Variants in DLGAP1 observed in about 807,000 individuals in gnomAD.
DLGAP1 encodes DLG associated protein 1, also known as disks large-associated protein 1.
Under a neutral mutation model 90.8 loss-of-function variants are expected in DLGAP1, and 11 were observed. That is an observed-to-expected ratio of 0.12 (90% CI 0.08 to 0.20). The LOEUF is 0.20. Ranked by LOEUF, DLGAP1 falls within the 10% of genes least tolerant of loss-of-function variation. The pLI is 1.00. For missense variants in DLGAP1, 1,050 were observed against 1,333.8 expected, an observed-to-expected ratio of 0.79 and a Z score of 3.31; for synonymous variants, 558 against 540.7, an observed-to-expected ratio of 1.03 and a Z score of -0.44.
At position 4,421,642 on chromosome 18, in the gene DLGAP1, A is replaced by G. The variant is rs551809840; in HGVS notation, c.-267+33364T>C. 4.6e-5 allele frequency among the ~76,000 whole-genome samples: 7 copies of G among 152,312 alleles called. No individual in the cohort carries two copies. The South Asian group carries it at 1.5e-3, about 32-fold the overall frequency. On this transcript the variant is annotated intron_variant, in intron 1 of 12. Coordinates refer to ENST00000315677, the MANE Select transcript of DLGAP1 (RefSeq NM_004746.4). The stretch of plus-strand genomic sequence containing the variant: ...TTAAATTAGCATGATGTCTTCAGAG[A>G]ACATTTGGCAAAGTCAAGCAAAAGT...
intron 7 of DLGAP1, among the ~76,000 whole-genome samples, chr18:3,694,711 G>A (rs1242925747): frequency 6.6e-6 from 1 of 152,106 alleles, no homozygotes; most frequent in Non-Finnish European, 1.5e-5. Flanking sequence ...CACATCCTTT[G>A]CCCACTTTTT....
chr18:4,006,944 A>G (rs940692892), intron 2 of DLGAP1, among the ~76,000 whole-genome samples: 46 of 152,066 alleles, frequency 3.0e-4, no homozygotes, highest in African/African-American at 1.1e-3. Context: ...CACTGCACCC[A>G]GACACTTCAT....
intron 2 of DLGAP1, among the ~76,000 whole-genome samples, chr18:4,080,461 G>T (rs921639179): frequency 3.3e-5 from 5 of 152,194 alleles, no homozygotes; most frequent in South Asian, 4.2e-4. Flanking sequence ...TGGCTATTCA[G>T]GAAGGGCTGG....
At chr18:4,408,606 T>C (rs946487224) in intron 1 of DLGAP1, among the ~76,000 whole-genome samples, 3 of 151,852 alleles carry the variant, frequency 2.0e-5, no homozygotes, top group South Asian at 4.2e-4. Context: ...TTATAGTTGA[T>C]AGAAATTGAT....
At chr18:3,903,162 AAATG>A (rs979503593) in intron 3 of DLGAP1, among the ~76,000 whole-genome samples, 2 of 150,842 alleles carry the variant, frequency 1.3e-5, no homozygotes, top group Non-Finnish European at 3.0e-5. Context: ...TGAATTAAAT[AAATG>A]AATGGAGATA....
At chr18:3,874,867 T>TA in intron 4 of DLGAP1, 3 of 985,918 alleles carry the variant, frequency 3.0e-6, no homozygotes, top group Non-Finnish European at 4.1e-6. Context: ...CACTTATCAC[T>TA]CATAATACAA....
chr18:3,996,597 G>T (rs940560559), intron 3 of DLGAP1, among the ~76,000 whole-genome samples: 1 of 151,856 alleles, frequency 6.6e-6, no homozygotes, highest in East Asian at 1.9e-4. Context: ...ATTAATAATT[G>T]TTATATTTAG....
chr18:4,397,612 A>AT (rs2082467440), intron 1 of DLGAP1, among the ~76,000 whole-genome samples: 2 of 152,034 alleles, frequency 1.3e-5, no homozygotes, highest in African/African-American at 2.4e-5. Context: ...GATAACAAGT[A>AT]TTTTTTTTCA....
At chr18:3,801,826 A>G (rs1416653649) in intron 5 of DLGAP1, among the ~76,000 whole-genome samples, 1 of 152,238 alleles carries the variant, frequency 6.6e-6, no homozygotes, top group Non-Finnish European at 1.5e-5. Context: ...CACGAGAAGA[A>G]TGACTGCTGA....
At chr18:3,782,223 G>A (rs12965650) in intron 5 of DLGAP1, among the ~76,000 whole-genome samples, 23,892 of 150,906 alleles carry the variant, frequency 0.16, 2,352 homozygotes, top group East Asian at 0.47. Context: ...TGTGACCTCC[G>A]CCTCCTGGGT....
intron 2 of DLGAP1, among the ~76,000 whole-genome samples, chr18:4,029,478 C>T (rs926505120): frequency 2.0e-5 from 3 of 152,140 alleles, no homozygotes; most frequent in Non-Finnish European, 4.4e-5. Flanking sequence ...CCCTTTCCTC[C>T]ACATCCATCT....
intron 5 of DLGAP1, among the ~76,000 whole-genome samples, chr18:3,795,663 T>G (rs558841126): frequency 2.0e-5 from 3 of 152,218 alleles, no homozygotes; most frequent in African/African-American, 7.2e-5. Flanking sequence ...TTGTTTATTT[T>G]TAGAGATGAG....
intron 2 of DLGAP1, among the ~76,000 whole-genome samples, chr18:4,133,327 A>T (rs2076348275): frequency 6.6e-6 from 1 of 152,216 alleles, no homozygotes; most frequent in Non-Finnish European, 1.5e-5. Flanking sequence ...GGGTTGCCTC[A>T]GATTCAAGTC....
intron 1 of DLGAP1, among the ~76,000 whole-genome samples, chr18:4,450,585 T>G (rs958242059): frequency 6.6e-6 from 1 of 152,184 alleles, no homozygotes; most frequent in African/African-American, 2.4e-5. Flanking sequence ...CAATGTCTCC[T>G]CATCCAAATG....
chr18:3,671,580 G>C (rs2060090953), intron 7 of DLGAP1, among the ~76,000 whole-genome samples: 1 of 152,208 alleles, frequency 6.6e-6, no homozygotes, highest in South Asian at 2.1e-4. Flanking sequence ...CATGCCACAA[G>C]AGGTTGATTA....
intron 9 of DLGAP1, among the ~76,000 whole-genome samples, chr18:3,556,691 G>A (rs1203806138): frequency 6.6e-6 from 1 of 152,174 alleles, no homozygotes; most frequent in Non-Finnish European, 1.5e-5. Context: ...CCAAGTTTGG[G>A]TGATTAGAAA....
chr18:3,733,101 C>T (rs181432716), intron 6 of DLGAP1, among the ~76,000 whole-genome samples: 5 of 152,284 alleles, frequency 3.3e-5, no homozygotes, highest in African/African-American at 1.2e-4. Flanking sequence ...AAAACATTAT[C>T]AGTACTACCC....
intron 2 of DLGAP1, among the ~76,000 whole-genome samples, chr18:4,143,575 T>TG (rs1434816957): frequency 6.6e-6 from 1 of 151,882 alleles, no homozygotes; most frequent in African/African-American, 2.4e-5. Context: ...GGCCTGGTAC[T>TG]GGGTACCCCA....
chr18:4,167,506 T>TC (rs2076952044), intron 1 of DLGAP1, among the ~76,000 whole-genome samples: 1 of 152,152 alleles, frequency 6.6e-6, no homozygotes. Context: ...AAATTTCACC[T>TC]AAGAGGGTAC....
Sources: allele counts gnomAD v4.1 joint callset (sites outside exome capture counted in the v4.1 genomes callset), GRCh38; gene constraint gnomAD v4.1.1; transcripts MANE v1.5; gene names NCBI Gene and HGNC (gene_info 2026-07-23, HGNC 2026-07-21).